The following ZNF148 variants were observed in gnomAD, a reference collection of about 807,000 sequenced individuals.
The protein encoded by ZNF148 is Beta-Enolase Repressor Factor-1.
ZNF148 carries 7 observed loss-of-function variants against 67.7 expected under a neutral mutation model. The observed-to-expected ratio is 0.10, with a 90% CI of 0.06 to 0.19. ZNF148 has a LOEUF of 0.19. ZNF148 is among the 10% of genes least tolerant of loss of function. The probability of loss-of-function intolerance (pLI) is 1.00; values close to 1 mark genes in which losing one functional copy is unlikely to be tolerated. For synonymous variants in ZNF148, 333 were observed against 330.7 expected (o/e 1.01, Z -0.08); for missense variants, 583 against 947.1 (o/e 0.62, Z 5.05).
chr3:125,263,191 C>A (rs902550039), intron 7 of ZNF148, among the ~76,000 whole-genome samples: 6 of 152,282 alleles, frequency 3.9e-5, no homozygotes, highest in East Asian at 1.9e-4. Context: ...GAGATGAATT[C>A]TTTAGTCACT....
In ZNF148 at chr3:125,375,266, C is replaced by CTCCTCCTCCTCCTCTTCCTCCTTCTCT. The variant is rs1553719558; in HGVS notation, c.-425_-399dup. 6.5e-6 allele frequency: 1 copy of CTCCTCCTCCTCCTCTTCCTCCTTCTCT among 154,248 alleles called. No individual in the cohort carries two copies. Among genetic ancestry groups the CTCCTCCTCCTCCTCTTCCTCCTTCTCT allele is most frequent in the African/African-American group, 2.4e-5 (1 of 41,450 alleles). The allele number at this position is 154,248 out of a possible 1,614,324, so 9.6% of individuals were successfully genotyped here. A position where few individuals can be genotyped will look rare whatever the true frequency, so the allele number is the denominator to read the frequency against. On this transcript the variant is annotated 5_prime_UTR_variant, in exon 1 of 9. Transcript: ENST00000360647. ...CGCCTTTCTCCTCTTCCTCCCCCTC[C>CTCCTCCTCCTCCTCTTCCTCCTTCTCT]TCCTCCTCCTCCTCTTCCTCCTTCT...
chr3:125,331,550 A>G (rs889772602), intron 1 of ZNF148, among the ~76,000 whole-genome samples: 2 of 152,220 alleles, frequency 1.3e-5, no homozygotes, highest in Non-Finnish European at 2.9e-5. Flanking sequence ...CTTAAATATC[A>G]TAACATAGGA....
intron 7 of ZNF148, among the ~76,000 whole-genome samples, chr3:125,248,530 T>C (rs565973671): frequency 2.6e-5 from 4 of 152,322 alleles, no homozygotes; most frequent in Admixed American, 6.5e-5. Flanking sequence ...GTATAAAAGA[T>C]GAAGGACCAT....
At chr3:125,319,050 T>C (rs896310450) in intron 3 of ZNF148, among the ~76,000 whole-genome samples, 12 of 152,070 alleles carry the variant, frequency 7.9e-5, no homozygotes, top group Non-Finnish European at 1.8e-4. Flanking sequence ...CGTGTTTAGT[T>C]CAGCTGTGTA....
At chr3:125,334,323 C>A (rs534483268) in intron 1 of ZNF148, among the ~76,000 whole-genome samples, 1 of 152,130 alleles carries the variant, frequency 6.6e-6, no homozygotes, top group South Asian at 2.1e-4. Context: ...AATAAAATAC[C>A]CTGGTCTCTG....
chr3:125,259,013 T>C (rs1361576438), intron 7 of ZNF148, among the ~76,000 whole-genome samples: 1 of 152,144 alleles, frequency 6.6e-6, no homozygotes, highest in Non-Finnish European at 1.5e-5. Flanking sequence ...TAATTGTATA[T>C]TGCACAGAAA....
At chr3:125,241,277 G>A (rs1936342580) in intron 7 of ZNF148, among the ~76,000 whole-genome samples, 1 of 150,688 alleles carries the variant, frequency 6.6e-6, no homozygotes, top group African/African-American at 2.4e-5. Flanking sequence ...ATTTGTTTGT[G>A]CGAGTTTCTT....
intron 4 of ZNF148, among the ~76,000 whole-genome samples, chr3:125,299,761 T>C (rs1480828433): frequency 2.0e-5 from 3 of 152,186 alleles, no homozygotes; most frequent in Admixed American, 2.0e-4. Context: ...AGGAAAGGAA[T>C]AGCACTCAGT....
intron 1 of ZNF148, among the ~76,000 whole-genome samples, chr3:125,372,674 T>C (rs1942929004): frequency 6.6e-6 from 1 of 152,142 alleles, no homozygotes; most frequent in African/African-American, 2.4e-5. Context: ...AATTTTATAA[T>C]AAAAGAGTAG....
intron 7 of ZNF148, among the ~76,000 whole-genome samples, chr3:125,254,438 TTG>T (rs2107555138): frequency 6.6e-6 from 1 of 152,314 alleles, no homozygotes; most frequent in East Asian, 1.9e-4. Flanking sequence ...CACAGATACT[TTG>T]GTCTCTTGTA....
intron 4 of ZNF148, among the ~76,000 whole-genome samples, chr3:125,306,563 T>C (rs1288068143): frequency 1.3e-5 from 2 of 152,214 alleles, no homozygotes; most frequent in Admixed American, 6.5e-5. Flanking sequence ...ATGTTTAGTA[T>C]GAATAGCCTA....
intron 1 of ZNF148, among the ~76,000 whole-genome samples, chr3:125,353,768 A>T (rs1314663712): frequency 7.0e-6 from 1 of 142,748 alleles, no homozygotes; most frequent in Non-Finnish European, 1.5e-5. Context: ...AATAAAGTTT[A>T]AAAAAAAAAA....
At chr3:125,350,412 G>A (rs1231300066) in intron 1 of ZNF148, among the ~76,000 whole-genome samples, 1 of 152,138 alleles carries the variant, frequency 6.6e-6, no homozygotes, top group Non-Finnish European at 1.5e-5. Flanking sequence ...TGACCCGCCT[G>A]CCTTGGCCTC....
At chr3:125,288,355 T>C in intron 4 of ZNF148, 127 bp from the exon 5 acceptor site, 1 of 968,904 alleles carries the variant, frequency 1.0e-6, no homozygotes, top group Non-Finnish European at 1.5e-6. Context: ...TCTATGTGTG[T>C]GTGTCCTAAC....
Position 125,276,870 on chromosome 3 carries a change from C to T in ZNF148, c.667+856G>A, listed in dbSNP as rs1938105911. Among the ~76,000 whole-genome samples the T allele has an allele frequency of 2.0e-5, 3 of 152,258 alleles. No individual in the cohort carries two copies. In the South Asian group the frequency reaches 6.2e-4, roughly 32 times the overall value. ...GTCCTTTCACAAATACTGCAGGTCC[C>T]ATGAGAACACATCAAAATAACAACA... On this transcript the variant is annotated intron_variant, in intron 7 of 8. Coordinates refer to ENST00000360647, the MANE Select transcript of ZNF148 (RefSeq NM_021964.3).
intron 1 of ZNF148, among the ~76,000 whole-genome samples, chr3:125,332,205 G>C (rs1006026213): frequency 6.6e-6 from 1 of 152,082 alleles, no homozygotes; most frequent in Non-Finnish European, 1.5e-5. Context: ...TATTTAGCTA[G>C]TCAGTAGCTT....
At chr3:125,365,449 CTA>C (rs1458500240) in intron 1 of ZNF148, among the ~76,000 whole-genome samples, 1 of 152,168 alleles carries the variant, frequency 6.6e-6, no homozygotes, top group Non-Finnish European at 1.5e-5. Context: ...AAATTATACT[CTA>C]ATGTACTGCA....
intron 1 of ZNF148, among the ~76,000 whole-genome samples, chr3:125,343,257 A>G (rs905230590): frequency 6.6e-6 from 1 of 152,178 alleles, no homozygotes; most frequent in African/African-American, 2.4e-5. Flanking sequence ...CTTGGAGTAC[A>G]TTTAGTAAAA....
intron 7 of ZNF148, among the ~76,000 whole-genome samples, chr3:125,266,745 C>A: frequency 6.6e-6 from 1 of 151,862 alleles, no homozygotes. Flanking sequence ...ACCCAAAAAC[C>A]ATACAAAGAA....
Sources: allele counts gnomAD v4.1 joint callset (sites outside exome capture counted in the v4.1 genomes callset), GRCh38; gene constraint gnomAD v4.1.1; transcripts MANE v1.5; gene names NCBI Gene and HGNC (gene_info 2026-07-23, HGNC 2026-07-21).